Variants in WASHC2A observed in about 807,000 individuals in gnomAD.
WASHC2A encodes the protein WASH complex subunit 2A.
Under a neutral mutation model 140.3 loss-of-function variants are expected in WASHC2A, and 82 were observed. The observed-to-expected ratio is 0.58, with a 90% confidence interval of 0.49 to 0.70. The LOEUF (loss-of-function observed/expected upper bound fraction) is 0.70, where lower values mean the gene tolerates loss of function less well. Ranked by LOEUF, WASHC2A falls within the 30% of genes least tolerant of loss-of-function variation. The probability of loss-of-function intolerance (pLI) is 0.00; values close to 1 mark genes in which losing one functional copy is unlikely to be tolerated. For synonymous variants in WASHC2A, 340 were observed against 560.8 expected, an observed-to-expected ratio of 0.61 and a Z score of 5.56; for missense variants, 985 against 1,521.8, an observed-to-expected ratio of 0.65 and a Z score of 5.87.
intron 10 of WASHC2A, among the ~76,000 whole-genome samples, chr10:50,091,951 T>G (rs1839972016): frequency 6.6e-6 from 1 of 152,190 alleles, no homozygotes; most frequent in South Asian, 2.1e-4. Flanking sequence ...ATGAGCCTGG[T>G]ACGAAAGCAG....
chr10:50,099,325 A>G (rs1840830564), intron 16 of WASHC2A, among the ~76,000 whole-genome samples: 2 of 146,806 alleles, frequency 1.4e-5, no homozygotes, highest in African/African-American at 5.1e-5. Context: ...ACTGGAGTGT[A>G]GTGGTACAAT....
chr10:50,102,192 G>T (rs1429413120), intron 17 of WASHC2A, among the ~76,000 whole-genome samples: 1 of 152,100 alleles, frequency 6.6e-6, no homozygotes, highest in Non-Finnish European at 1.5e-5. Flanking sequence ...TGTTTTTATT[G>T]GATATTGTTC....
chr10:50,076,749 C>T (rs1372433001), intron 3 of WASHC2A, among the ~76,000 whole-genome samples: 1 of 150,954 alleles, frequency 6.6e-6, no homozygotes, highest in Non-Finnish European at 1.5e-5. Flanking sequence ...AGGCCAAGGC[C>T]GATGGATCAC....
At position 50,125,446 on chromosome 10, in the gene WASHC2A, T is replaced by A; in HGVS notation, c.2685T>A (p.Pro895=). Residue 895 remains proline (P), a synonymous_variant, in exon 25 of 31, where the codon CCT becomes CCA. Transcript: ENST00000282633. ...DDLFSSAKSQ[P]LVQEKKRVVK... ...TTTTCAGCTCTGCCAAGTCCCAGCCTTTGGTACCAGCCTTTTGTTCTCAAT... is the reference window on the plus strand; with the variant it reads ...TTTTCAGCTCTGCCAAGTCCCAGCCATTGGTACCAGCCTTTTGTTCTCAAT... 1 of 1,607,704 alleles carries A rather than the reference T, an allele frequency of 6.2e-7. No homozygotes were observed. Among genetic ancestry groups the A allele is most frequent in the Non-Finnish European group, 8.5e-7 (1 of 1,177,636 alleles).
intron 5 of WASHC2A, among the ~76,000 whole-genome samples, chr10:50,082,248 G>A (rs1319774295): frequency 1.3e-5 from 2 of 149,494 alleles, no homozygotes; most frequent in African/African-American, 2.5e-5. Flanking sequence ...CCAAATTAAC[G>A]CTGTCTTTGC....
intron 23 of WASHC2A, among the ~76,000 whole-genome samples, chr10:50,123,760 CCAG>C (rs1843187352): frequency 6.7e-6 from 1 of 148,368 alleles, no homozygotes; most frequent in Non-Finnish European, 1.5e-5. Context: ...GTTATGCAAA[CCAG>C]GTTGGCAGGT....
intron 21 of WASHC2A, among the ~76,000 whole-genome samples, chr10:50,117,582 TATAAG>T (rs1432041599): frequency 1.3e-5 from 2 of 148,182 alleles, no homozygotes; most frequent in African/African-American, 4.9e-5. Context: ...CTAGTTGAAA[TATAAG>T]AGGAGTGAGG....
rs1384907560 is a variant in WASHC2A, at chr10:50,091,498, G to T, written c.911G>T (p.Arg304Leu). ...AARIKGDAVG[R>L]VDEEPTTLPS... ...CGCATCAAGGGGGATGCCGTGGGTC[G>T]AGTGGACGAGGAGCCGACAAGTGAG... The change falls in exon 10 of 31, where the codon CGA becomes CTA. Residue 304 changes from arginine (R) to leucine (L), a missense_variant. By Grantham distance (102) the Arg-to-Leu change is moderately radical. Coordinates refer to ENST00000282633, the MANE Select transcript of WASHC2A (RefSeq NM_001005751.3). 3.2e-5 allele frequency: 49 copies of T among 1,550,136 alleles called. No individual in the cohort carries two copies. In the South Asian group the frequency reaches 4.6e-4, roughly 15 times the overall value.
rs1843514051 is a variant in WASHC2A at position 50,127,239 on chromosome 10, A to G, written c.2874+17A>G. 35 of 1,612,038 alleles carry G rather than the reference A, an allele frequency of 2.2e-5. No homozygotes were observed. Among genetic ancestry groups the G allele is most frequent in the Non-Finnish European group, 2.9e-5 (34 of 1,179,862 alleles). Reference sequence around the variant, plus strand: ...AAGATACAAGTAATTAAAACACTGGAATCTTCATTGCCTGCCCTGTGGCAT... The same window carrying G: ...AAGATACAAGTAATTAAAACACTGGGATCTTCATTGCCTGCCCTGTGGCAT... On this transcript the variant is annotated intron_variant, in intron 27 of 30. Coordinates refer to ENST00000282633, the MANE Select transcript of WASHC2A (RefSeq NM_001005751.3).
intron 28 of WASHC2A, among the ~76,000 whole-genome samples, chr10:50,128,928 T>C (rs1356978225): frequency 0.29 from 42,584 of 149,172 alleles, 6,909 homozygotes; most frequent in Middle Eastern, 0.4. Context: ...AAACAGCACC[T>C]TAGATTACCT....
intron 7 of WASHC2A, 78 bp from the exon 8 acceptor site, chr10:50,087,197 A>G (rs1406554062): frequency 6.3e-7 from 1 of 1,597,058 alleles, no homozygotes; most frequent in East Asian, 2.2e-5. Flanking sequence ...AGCCTGCCCC[A>G]GAGACTTAGA....
chr10:50,078,525 C>G, intron 3 of WASHC2A, 150 bp from the exon 4 acceptor site: 1 of 1,558,322 alleles, frequency 6.4e-7, no homozygotes, highest in East Asian at 2.3e-5. Context: ...CCCACTGTTA[C>G]GGACACCCAC....
At position 50,068,121 on chromosome 10, in the gene WASHC2A, C is replaced by A; in HGVS notation, c.20C>A (p.Pro7His). ...TCGCTGCAGATGAACCGGACGACCC[C>A]CGACCAGGAGCTGGCGCCAGCGTCG... is the stretch of plus-strand genomic sequence containing the variant. MMNRTT[P>H]DQELAPASEP... Residue 7 changes from proline (P) to histidine (H), a missense_variant, in exon 2 of 31, where the codon CCC becomes CAC. Pro to His is a moderately conservative substitution (Grantham distance 77, BLOSUM62 -2). Transcript: ENST00000282633. The A allele has an allele frequency of 6.2e-7, 1 of 1,606,366 alleles. No individual in the cohort carries two copies.
At chr10:50,109,641 A>G (rs1308047880) in intron 19 of WASHC2A, among the ~76,000 whole-genome samples, 64 of 152,322 alleles carry the variant, frequency 4.2e-4, no homozygotes, top group Admixed American at 7.8e-4. Context: ...GAGTTCAAAG[A>G]AAAGTCTTAA....
rs781931806 is a variant in WASHC2A at position 50,095,628 on chromosome 10, G to A, written c.1270G>A (p.Val424Ile). 1.4e-5 allele frequency: 23 copies of A among 1,611,786 alleles called. 1 individual carries two copies. Among genetic ancestry groups the A allele is most frequent in the Middle Eastern group, 4.5e-4 (2 of 4,430 alleles). Reference sequence around the variant, plus strand: ...CACGGATGTGTTTGGTGCTGCCTCCGTTCCATCAATGAAGGAGCCACAGAA... The same window carrying A: ...CACGGATGTGTTTGGTGCTGCCTCCATTCCATCAATGAAGGAGCCACAGAA... ...GDTDVFGAASVPSMKEPQKPE... is the reference protein window; with the variant it reads ...GDTDVFGAASIPSMKEPQKPE... Residue 424 changes from valine (V) to isoleucine (I), a missense_variant, in exon 15 of 31, where the codon GTT becomes ATT. By Grantham distance (29) the Val-to-Ile change is conservative (BLOSUM62 3). Coordinates refer to ENST00000282633, the MANE Select transcript of WASHC2A (RefSeq NM_001005751.3).
At chr10:50,068,300 C>G in intron 2 of WASHC2A, 73 bp downstream of exon 2, 1 of 1,418,744 alleles carries the variant, frequency 7.0e-7, no homozygotes, top group Non-Finnish European at 9.4e-7. Context: ...GGCCGGACCG[C>G]GACTGCCCCT....
Position 50,133,433 on chromosome 10 carries a change from C to T in WASHC2A, c.*488C>T. On this transcript the variant is annotated 3_prime_UTR_variant, in exon 31 of 31. Transcript: ENST00000282633. ...TTCTGAGGGTGCCTCTGCATGTCCT[C>T]CAAGGCAAAGTTTGGCAAACTGTGG... The T allele has an allele frequency of 6.4e-6, 3 of 470,552 alleles. No homozygotes were observed. Among genetic ancestry groups the T allele is most frequent in the Admixed American group, 4.7e-5 (2 of 42,608 alleles). 29.1% of individuals were successfully genotyped at this position (470,552 alleles called of 1,614,324 possible). A position where few individuals can be genotyped will look rare whatever the true frequency, so the allele number is the denominator to read the frequency against.
chr10:50,091,554 G>A (rs1839929931), intron 10 of WASHC2A, 36 bp downstream of exon 10: 13 of 1,549,270 alleles, frequency 8.4e-6, no homozygotes, highest in Admixed American at 2.0e-5. Context: ...AGTAGGGGGG[G>A]AGTAGTGCAG....
In WASHC2A at chr10:50,095,626, C is replaced by G. The variant is rs1253646794; in HGVS notation, c.1268C>G (p.Ser423Cys). 6.6e-5 allele frequency: 107 copies of G among 1,611,818 alleles called. No individual in the cohort carries two copies. Among genetic ancestry groups the G allele is most frequent in the Non-Finnish European group, 5.6e-5 (66 of 1,179,862 alleles). The stretch of plus-strand genomic sequence containing the variant: ...GACACGGATGTGTTTGGTGCTGCCT[C>G]CGTTCCATCAATGAAGGAGCCACAG... ...LGDTDVFGAA[S>C]VPSMKEPQKP... is the part of the protein sequence containing the mutation. Residue 423 changes from serine to cysteine, a missense_variant, in exon 15 of 31, where the codon TCC (serine) becomes TGC (cysteine). By Grantham distance (112) the Ser-to-Cys change is moderately radical. Transcript: ENST00000282633.
Sources: gnomAD v4.1 joint callset for allele counts (sites outside exome capture counted in the v4.1 genomes callset) on GRCh38, gnomAD v4.1.1 for gene constraint, MANE v1.5 for transcripts, NCBI Gene and HGNC (gene_info 2026-07-23, HGNC 2026-07-21) for gene names.